The following ARHGAP28 variants were observed in gnomAD, a reference collection of about 807,000 sequenced individuals.
The protein encoded by ARHGAP28 is rho GTPase-activating protein 28.
In ARHGAP28, 56 loss-of-function variants were observed where a neutral mutation model predicts 90.7. The ratio of observed to expected loss-of-function variants is 0.62; its 90% CI spans 0.50 to 0.77. ARHGAP28 has a LOEUF of 0.77. ARHGAP28 is among the 30% of genes least tolerant of loss of function. The probability of loss-of-function intolerance (pLI) is 0.00; values close to 1 mark genes in which losing one functional copy is unlikely to be tolerated. For synonymous variants in ARHGAP28, 308 were observed against 323.3 expected (o/e 0.95, Z 0.51); for missense variants, 869 against 900.9 (o/e 0.96, Z 0.45).
chr18:6,851,361 G>A (rs11660514), intron 4 of ARHGAP28, among the ~76,000 whole-genome samples: 63,514 of 146,622 alleles, frequency 0.43, 15,405 homozygotes, highest in Non-Finnish European at 0.57. Flanking sequence ...TTATGGAAAT[G>A]CGAAGAAAGC....
intron 1 of ARHGAP28, among the ~76,000 whole-genome samples, chr18:6,746,380 C>T (rs1236547705): frequency 6.6e-6 from 1 of 152,146 alleles, no homozygotes; most frequent in Non-Finnish European, 1.5e-5. Context: ...CAACCATAAA[C>T]ATTACATGAA....
rs576101506 is a variant in ARHGAP28 at position 6,828,794 on chromosome 18, A to T, written c.325+3830A>T. On this transcript the variant is annotated intron_variant, in intron 2 of 17. Transcript: ENST00000383472. ...AAAAGAGCAAAACTACTCATAGTGG[A>T]TTAAAAGCATAGGTCAGTCATCTCT... Among the ~76,000 whole-genome samples, 19 of 152,302 alleles carry T rather than the reference A, an allele frequency of 1.2e-4. No homozygotes were observed. The South Asian group carries it at 3.9e-3, about 32-fold the overall frequency.
chr18:6,817,334 A>AAC (rs1342848308), intron 1 of ARHGAP28, among the ~76,000 whole-genome samples: 2 of 150,642 alleles, frequency 1.3e-5, no homozygotes, highest in South Asian at 2.1e-4. Context: ...CAAACAAACA[A>AAC]AAAAAAAACA....
intron 1 of ARHGAP28, among the ~76,000 whole-genome samples, chr18:6,773,185 G>A (rs931066855): frequency 1.3e-5 from 2 of 152,168 alleles, no homozygotes; most frequent in Non-Finnish European, 2.9e-5. Context: ...GTATGTTAAT[G>A]TATGCCAGGA....
intron 16 of ARHGAP28, 116 bp from the exon 17 acceptor site, chr18:6,908,844 T>C (rs1440080719): frequency 4.5e-6 from 3 of 673,466 alleles, no homozygotes; most frequent in Non-Finnish European, 8.0e-6. Context: ...TACAGTTTTG[T>C]GGGACACATT....
At chr18:6,831,259 AACTTTTTATTACTG>A (rs1319033989) in intron 2 of ARHGAP28, among the ~76,000 whole-genome samples, 1 of 152,030 alleles carries the variant, frequency 6.6e-6, no homozygotes, top group African/African-American at 2.4e-5. Context: ...TATTTTTTAA[AACTTTTTATTACTG>A]ACTTTTTATT....
rs186326833 is a variant in ARHGAP28, at chr18:6,864,088, C to T, written c.727-4062C>T. Among the ~76,000 whole-genome samples, 238 of 150,728 alleles carry T rather than the reference C, an allele frequency of 1.6e-3. 7 individuals are homozygous for T. In the East Asian group the frequency reaches 0.041, roughly 26 times the overall value. ...ATTTTATTTTATTTTATTTTTGAGA[C>T]GGAGTCTTGCTCTGTCACCCAGGCT... On this transcript the variant is annotated intron_variant, in intron 5 of 17. Coordinates refer to ENST00000383472, the MANE Select transcript of ARHGAP28 (RefSeq NM_001366230.1).
chr18:6,886,707 G>T (rs2057224219), intron 11 of ARHGAP28, among the ~76,000 whole-genome samples: 1 of 152,086 alleles, frequency 6.6e-6, no homozygotes, highest in South Asian at 2.1e-4. Flanking sequence ...TAAATAACCT[G>T]CCCCAGGTCA....
At chr18:6,806,484 A>G (rs1400321623) in intron 1 of ARHGAP28, among the ~76,000 whole-genome samples, 2 of 152,108 alleles carry the variant, frequency 1.3e-5, no homozygotes, top group Non-Finnish European at 2.9e-5. Flanking sequence ...ATATATATGC[A>G]AAGAGAATAG....
At chr18:6,771,740 T>C (rs943549028) in intron 1 of ARHGAP28, among the ~76,000 whole-genome samples, 5 of 152,216 alleles carry the variant, frequency 3.3e-5, no homozygotes, top group Admixed American at 1.3e-4. Context: ...ACTATCCTGT[T>C]GCCTAGTACG....
At chr18:6,849,017 A>G (rs1242274748) in intron 3 of ARHGAP28, among the ~76,000 whole-genome samples, 1 of 152,012 alleles carries the variant, frequency 6.6e-6, no homozygotes, top group African/African-American at 2.4e-5. Context: ...TTGGAGGCCA[A>G]GGCAGGAGGA....
At chr18:6,830,939 G>A (rs2056710401) in intron 2 of ARHGAP28, among the ~76,000 whole-genome samples, 1 of 152,044 alleles carries the variant, frequency 6.6e-6, no homozygotes, top group South Asian at 2.1e-4. Flanking sequence ...GTATAGATAT[G>A]TTTTTATTTC....
rs556536580 is a variant in ARHGAP28 at position 6,817,250 on chromosome 18, C to T, written c.123-7512C>T. Among the ~76,000 whole-genome samples the T allele has an allele frequency of 1.1e-4, 17 of 151,476 alleles. No homozygotes were observed. In the South Asian group the frequency reaches 2.9e-3, roughly 26 times the overall value. Reference sequence around the variant, plus strand: ...AATTGCTTGAACTGGGACCCAGAGACGGAGGTTTCAGTGAGCTGAGATCAT... The same window carrying T: ...AATTGCTTGAACTGGGACCCAGAGATGGAGGTTTCAGTGAGCTGAGATCAT... On this transcript the variant is annotated intron_variant, in intron 1 of 17. Transcript: ENST00000383472.
At chr18:6,904,780 A>G (rs1329642545) in intron 16 of ARHGAP28, among the ~76,000 whole-genome samples, 1 of 152,186 alleles carries the variant, frequency 6.6e-6, no homozygotes, top group Non-Finnish European at 1.5e-5. Flanking sequence ...AAGGGATAAA[A>G]AGGATTACTG....
intron 9 of ARHGAP28, among the ~76,000 whole-genome samples, chr18:6,874,233 G>A (rs562375856): frequency 4.3e-4 from 65 of 152,254 alleles, no homozygotes; most frequent in Admixed American, 1.4e-3. Flanking sequence ...GTGTATATGT[G>A]TAATCATTTT....
intron 1 of ARHGAP28, 121 bp from the exon 2 acceptor site, chr18:6,824,641 G>A: frequency 2.3e-6 from 2 of 877,368 alleles, no homozygotes; most frequent in Non-Finnish European, 3.3e-6. Flanking sequence ...CTCAACCATG[G>A]TTACTCCACT....
chr18:6,849,280 A>G (rs1228050828), intron 3 of ARHGAP28, among the ~76,000 whole-genome samples: 1 of 147,756 alleles, frequency 6.8e-6, no homozygotes, highest in Non-Finnish European at 1.5e-5. Context: ...AAAAAAGTTA[A>G]CCGGGGTAAG....
At chr18:6,911,025 G>A (rs1320647494) in intron 17 of ARHGAP28, among the ~76,000 whole-genome samples, 5 of 151,954 alleles carry the variant, frequency 3.3e-5, no homozygotes, top group Non-Finnish European at 5.9e-5. Context: ...TGCTAGAGAT[G>A]GGGTTTCACT....
At chr18:6,885,145 G>T (rs1001097045) in intron 11 of ARHGAP28, among the ~76,000 whole-genome samples, 1 of 152,186 alleles carries the variant, frequency 6.6e-6, no homozygotes, top group Non-Finnish European at 1.5e-5. Context: ...TTTCACTGAA[G>T]GGAGAGGTTC....
Sources: allele counts gnomAD v4.1 joint callset (sites outside exome capture counted in the v4.1 genomes callset), GRCh38; gene constraint gnomAD v4.1.1; transcripts MANE v1.5; gene names NCBI Gene and HGNC (gene_info 2026-07-23, HGNC 2026-07-21).